The following RYR2 variants were observed in gnomAD, a reference collection of about 807,000 sequenced individuals.
RYR2 encodes the protein cardiac muscle ryanodine receptor-calcium release channel.
RYR2 carries 227 observed loss-of-function variants against 601.1 expected under a neutral mutation model. The observed-to-expected ratio is 0.38, with a 90% CI of 0.34 to 0.42. The LOEUF is 0.42. Among genes scored for constraint, RYR2 ranks in the 10% least tolerant of loss-of-function variants. The probability of loss-of-function intolerance (pLI) is 1.00; values close to 1 mark genes in which losing one functional copy is unlikely to be tolerated. For missense variants in RYR2, 4,646 were observed against 6,156.5 expected, an observed-to-expected ratio of 0.75 and a Z score of 8.21; for synonymous variants, 2,223 against 2,175.1, an observed-to-expected ratio of 1.02 and a Z score of -0.61.
intron 27 of RYR2, 134 bp from the exon 28 acceptor site, chr1:237,566,433 G>T: frequency 1.1e-6 from 1 of 880,310 alleles, no homozygotes; most frequent in African/African-American, 1.7e-5. Context: ...AGATAAGAAG[G>T]TATCATTATC....
rs138484668 is a variant in RYR2 at position 237,456,335 on chromosome 1, A to G, written c.1477-265A>G. Among the ~76,000 whole-genome samples, 89 of 152,340 alleles carry G rather than the reference A, an allele frequency of 5.8e-4. 1 individual carries two copies. The highest frequency in any genetic ancestry group is 2.1e-3 in the African/African-American group (86 of 41,584). On this transcript the variant is annotated intron_variant, in intron 15 of 104. Coordinates refer to ENST00000366574, the MANE Select transcript of RYR2 (RefSeq NM_001035.3). Reference sequence around the variant, plus strand: ...TAACAATAGAAGGCCATAAGTATGAAGTACATATTTTTAGGTTATTCTTCC... The same window carrying G: ...TAACAATAGAAGGCCATAAGTATGAGGTACATATTTTTAGGTTATTCTTCC...
At chr1:237,091,639 G>T (rs1666969717) in intron 1 of RYR2, among the ~76,000 whole-genome samples, 1 of 152,160 alleles carries the variant, frequency 6.6e-6, no homozygotes, top group Non-Finnish European at 1.5e-5. Context: ...TGCCCAGGCT[G>T]GTCTCGAACT....
At chr1:237,753,069 G>A (rs571825598) in intron 80 of RYR2, among the ~76,000 whole-genome samples, 11 of 152,266 alleles carry the variant, frequency 7.2e-5, no homozygotes, top group Middle Eastern at 3.4e-3. Context: ...CCTGTCAGTC[G>A]CTCAGGTTCT....
At chr1:237,446,581 C>A (rs1708359999) in intron 14 of RYR2, among the ~76,000 whole-genome samples, 1 of 151,988 alleles carries the variant, frequency 6.6e-6, no homozygotes, top group Non-Finnish European at 1.5e-5. Context: ...AAACAAATCT[C>A]CCCTACTCAA....
At chr1:237,490,153 G>A (rs1450615707) in intron 17 of RYR2, among the ~76,000 whole-genome samples, 1 of 152,108 alleles carries the variant, frequency 6.6e-6, no homozygotes, top group Non-Finnish European at 1.5e-5. Context: ...CATAAAGATA[G>A]CAACAATAGA....
chr1:237,698,867 G>T (rs1687722531), intron 63 of RYR2, 98 bp from the exon 64 acceptor site: 3 of 630,626 alleles, frequency 4.8e-6, no homozygotes, highest in African/African-American at 1.9e-5. Flanking sequence ...TATTACTGTT[G>T]TGTCATTGAC....
intron 91 of RYR2, among the ~76,000 whole-genome samples, chr1:237,787,597 C>CA (rs778668137): frequency 0.095 from 5,758 of 60,376 alleles, 227 homozygotes; most frequent in African/African-American, 0.17. Context: ...GTCTCAAAAA[C>CA]AAAAAAAAAA....
intron 24 of RYR2, among the ~76,000 whole-genome samples, chr1:237,521,044 A>C (rs1667032966): frequency 6.6e-6 from 1 of 152,154 alleles, no homozygotes; most frequent in Admixed American, 6.5e-5. Context: ...CTCCAAAAAA[A>C]AGGATTGAAT....
At chr1:237,175,960 G>C (rs747283105) in intron 1 of RYR2, among the ~76,000 whole-genome samples, 7 of 152,056 alleles carry the variant, frequency 4.6e-5, no homozygotes, top group Non-Finnish European at 2.9e-5. Flanking sequence ...GGCCAGGCGC[G>C]GTGGCTCATG....
chr1:237,416,759 C>CAGAGAGAGAGAGAGAGAGAGAGAGAGAG lies in RYR2; in HGVS notation c.774-289_774-288insGAGAGAGAGAGAGAGAGAGAGAGAGAGA, dbSNP rs5781955. On this transcript the variant is annotated intron_variant, in intron 10 of 104. Coordinates refer to ENST00000366574, the MANE Select transcript of RYR2 (RefSeq NM_001035.3). ...GGAGGGATGGGAAGAAACACACACA[C>CAGAGAGAGAGAGAGAGAGAGAGAGAGAG]ACACAGAGAGAGAGAGAGAGAGAGA... 2.8e-4 allele frequency among the ~76,000 whole-genome samples: 39 copies of CAGAGAGAGAGAGAGAGAGAGAGAGAGAG among 139,012 alleles called. 1 individual carries two copies. The highest frequency in any genetic ancestry group is 1.0e-3 in the African/African-American group (36 of 35,862). 91.2% of individuals were successfully genotyped at this position (139,012 alleles called of 152,430 possible). A position where few individuals can be genotyped will look rare whatever the true frequency, so the allele number is the denominator to read the frequency against.
At chr1:237,518,329 A>G (rs1276859409) in intron 24 of RYR2, among the ~76,000 whole-genome samples, 1 of 152,152 alleles carries the variant, frequency 6.6e-6, no homozygotes. Flanking sequence ...AAAGTAACAA[A>G]AGTCAAGACT....
chr1:237,674,005 G>A, intron 58 of RYR2, 91 bp from the exon 59 acceptor site: 4 of 1,009,078 alleles, frequency 4.0e-6, no homozygotes, highest in Non-Finnish European at 4.5e-6. Context: ...GATATGGAAA[G>A]TTTTATAGTG....
At position 237,118,001 on chromosome 1, in the gene RYR2, C is replaced by T. The variant is rs955017041; in HGVS notation, c.48+75432C>T. 6.4e-4 allele frequency among the ~76,000 whole-genome samples: 98 copies of T among 152,206 alleles called. 1 individual carries two copies. The highest frequency in any genetic ancestry group is 1.0e-4 in the Non-Finnish European group (7 of 68,046). On this transcript the variant is annotated intron_variant, in intron 1 of 104. Coordinates refer to ENST00000366574, the MANE Select transcript of RYR2 (RefSeq NM_001035.3). ...CCTCAGGTGATCCATTCTCCTCAGC[C>T]TCCCAAAGTGTTGGGATTACAGGCG... is the stretch of plus-strand genomic sequence containing the variant.
At chr1:237,530,293 A>G (rs1668010910) in intron 24 of RYR2, 134 bp from the exon 25 acceptor site, 2 of 594,148 alleles carry the variant, frequency 3.4e-6, no homozygotes, top group Admixed American at 5.6e-5. Context: ...CCTGGGCGAC[A>G]GAGCGAGACT....
At chr1:237,109,438 G>A (rs1669175189) in intron 1 of RYR2, among the ~76,000 whole-genome samples, 1 of 151,972 alleles carries the variant, frequency 6.6e-6, no homozygotes, top group African/African-American at 2.4e-5. Flanking sequence ...TGACTTTTGT[G>A]TGTGACATTA....
In RYR2 at chr1:237,778,775, A is replaced by G. The variant is rs1462506270; in HGVS notation, c.11880+5A>G. ...ATGCAGATGAAGCTGTCGCAGGTAA[A>G]CTAACTAACTGCCTTCCTCTCTCTT... On this transcript the variant is annotated splice_donor_5th_base_variant and intron_variant, in intron 88 of 104. Transcript: ENST00000366574. The G allele has an allele frequency of 6.9e-7, 1 of 1,450,940 alleles. No individual in the cohort carries two copies. The highest frequency in any genetic ancestry group is 2.3e-5 in the East Asian group (1 of 44,108). 89.9% of individuals were successfully genotyped at this position (1,450,940 alleles called of 1,614,324 possible).
intron 102 of RYR2, among the ~76,000 whole-genome samples, chr1:237,829,532 G>A (rs1211212380): frequency 6.6e-6 from 1 of 152,190 alleles, no homozygotes; most frequent in East Asian, 1.9e-4. Flanking sequence ...GGAAGAACAG[G>A]TTCATCGGTA....
intron 12 of RYR2, among the ~76,000 whole-genome samples, chr1:237,425,624 ACT>A (rs1706075355): frequency 6.6e-6 from 1 of 151,086 alleles, no homozygotes; most frequent in Non-Finnish European, 1.5e-5. Flanking sequence ...ATAGAGCAAG[ACT>A]CTGTCTCAAA....
intron 1 of RYR2, among the ~76,000 whole-genome samples, chr1:237,115,337 G>A (rs1245023019): frequency 6.6e-6 from 1 of 152,132 alleles, no homozygotes; most frequent in South Asian, 2.1e-4. Context: ...GTCTTTGATA[G>A]GCTTGGAGGA....
Sources: allele counts gnomAD v4.1 joint callset (sites outside exome capture counted in the v4.1 genomes callset), GRCh38; gene constraint gnomAD v4.1.1; transcripts MANE v1.5; gene names NCBI Gene and HGNC (gene_info 2026-07-23, HGNC 2026-07-21).